GLB1L3: variants seen among roughly 807,000 people sequenced by gnomAD.
GLB1L3 encodes the protein beta-galactosidase-1-like protein 3.
Under a neutral mutation model 89.5 loss-of-function variants are expected in GLB1L3, and 89 were observed. The observed-to-expected ratio is 0.99, with a 90% CI of 0.84 to 1.19. The LOEUF is 1.19. Ranked by LOEUF, GLB1L3 falls within the 50% of genes most tolerant of loss-of-function variation. GLB1L3 has a pLI of 0.00. For missense variants in GLB1L3, 812 were observed against 813.3 expected (o/e 1.00, Z 0.02); for synonymous variants, 314 against 312.3 (o/e 1.01, Z -0.06).
At chr11:134,276,785 C>A in intron 1 of GLB1L3, 22 bp downstream of exon 1, 1 of 1,416,842 alleles carries the variant, frequency 7.1e-7, no homozygotes, top group East Asian at 3.1e-5. Flanking sequence ...CCGCTGCCGT[C>A]CCGGGCTGCC....
At chr11:134,324,657 T>G in the GLB1L3 span, among the ~76,000 whole-genome samples, 3 of 152,168 alleles carry the variant, frequency 2.0e-5, no homozygotes, top group Admixed American at 2.0e-4. Flanking sequence ...GCACATAATT[T>G]TGGAGATTTG....
At chr11:134,305,395 T>C (rs1942154582) in intron 9 of GLB1L3, 1 of 437,322 alleles carries the variant, frequency 2.3e-6, no homozygotes, top group African/African-American at 2.0e-5. Context: ...TCTCTACGTT[T>C]TTTGAACCCC....
At chr11:134,306,682 C>T (rs1942220557) in intron 9 of GLB1L3, among the ~76,000 whole-genome samples, 1 of 152,218 alleles carries the variant, frequency 6.6e-6, no homozygotes, top group Admixed American at 6.5e-5. Context: ...GAGGAGGTGT[C>T]ACCTTTTAAA....
downstream of GLB1L3, among the ~76,000 whole-genome samples, chr11:134,322,005 G>A (rs1943174994): frequency 6.6e-6 from 1 of 151,914 alleles, no homozygotes; most frequent in African/African-American, 2.4e-5. Context: ...TTATAAATGC[G>A]CTAAACTCTA....
chr11:134,324,689 G>A, the GLB1L3 span, among the ~76,000 whole-genome samples: 1 of 152,004 alleles, frequency 6.6e-6, no homozygotes, highest in Non-Finnish European at 1.5e-5. Flanking sequence ...AATTTGAGGT[G>A]GCAAGAATCC....
intron 10 of GLB1L3, 89 bp downstream of exon 10, chr11:134,307,297 C>T: frequency 2.1e-6 from 2 of 942,018 alleles, no homozygotes; most frequent in Non-Finnish European, 3.3e-6. Context: ...AATTGATTCA[C>T]TTGATCAGCC....
chr11:134,296,247 C>G (rs1196494828), intron 9 of GLB1L3, among the ~76,000 whole-genome samples: 1 of 140,824 alleles, frequency 7.1e-6, no homozygotes, highest in Admixed American at 7.3e-5. Context: ...GTTGGTGGGA[C>G]TGTAAACTAG....
intron 9 of GLB1L3, among the ~76,000 whole-genome samples, chr11:134,296,862 TAAA>T (rs891355190): frequency 1.5e-5 from 2 of 131,762 alleles, no homozygotes; most frequent in South Asian, 5.2e-4. Context: ...ATAATAATAA[TAAA>T]AACAAACAAA....
chr11:134,283,582 C>T (rs993700872), intron 5 of GLB1L3, among the ~76,000 whole-genome samples, 155 bp from the exon 6 acceptor site: 13 of 152,158 alleles, frequency 8.5e-5, no homozygotes, highest in Non-Finnish European at 1.6e-4. Flanking sequence ...CTGAAAGTCT[C>T]ACGCGGCACA....
At chr11:134,279,455 C>G (rs542306933) in intron 3 of GLB1L3, among the ~76,000 whole-genome samples, 9 of 150,788 alleles carry the variant, frequency 6.0e-5, no homozygotes, top group African/African-American at 2.2e-4. Flanking sequence ...CAACCTCCCC[C>G]TCCTGGGTTC....
intron 9 of GLB1L3, among the ~76,000 whole-genome samples, chr11:134,297,858 T>TC: frequency 8.8e-5 from 1 of 11,344 alleles, no homozygotes; most frequent in East Asian, 1.2e-3. Context: ...AGACTCTGTC[T>TC]CAAAAAAAAA....
Position 134,292,057 on chromosome 11 carries a change from TG to T in GLB1L3, c.730-71del. ...TGCATGGATGCAGAACCCATGAATATGGGGAGCTGTATGTATTTCTTTTTTC... is the reference window on the plus strand; with the variant it reads ...TGCATGGATGCAGAACCCATGAATATGGGAGCTGTATGTATTTCTTTTTTC... On this transcript the variant is annotated intron_variant, in intron 7 of 19. Transcript: ENST00000431683. The T allele has an allele frequency of 5.2e-6, 5 of 959,594 alleles. No homozygotes were observed. The East Asian group carries it at 1.2e-4, about 23-fold the overall frequency. The allele number at this position is 959,594 out of a possible 1,614,324, so 59.4% of individuals were successfully genotyped here.
chr11:134,308,617 T>C (rs1292881900), intron 10 of GLB1L3, among the ~76,000 whole-genome samples: 308 of 53,732 alleles, frequency 5.7e-3, no homozygotes, highest in Middle Eastern at 0.015. Flanking sequence ...CCACCACCAC[T>C]ATCACCACCA....
At chr11:134,308,941 C>G (rs1476638697) in intron 10 of GLB1L3, among the ~76,000 whole-genome samples, 1 of 152,118 alleles carries the variant, frequency 6.6e-6, no homozygotes, top group Non-Finnish European at 1.5e-5. Flanking sequence ...CCCACTGTGG[C>G]CAGTGGAGAG....
At chr11:134,287,842 A>G (rs919510274) in intron 6 of GLB1L3, among the ~76,000 whole-genome samples, 2 of 152,188 alleles carry the variant, frequency 1.3e-5, no homozygotes, top group African/African-American at 4.8e-5. Flanking sequence ...GGAACCTGCA[A>G]AGGAAAAGCT....
At chr11:134,295,567 G>C (rs569589862) in intron 9 of GLB1L3, among the ~76,000 whole-genome samples, 1 of 151,938 alleles carries the variant, frequency 6.6e-6, no homozygotes, top group South Asian at 2.1e-4. Context: ...TCAGCTTTCG[G>C]CTTGATTTTG....
At chr11:134,307,265 C>T (rs1942248330) in intron 10 of GLB1L3, 57 bp downstream of exon 10, 1 of 1,220,948 alleles carries the variant, frequency 8.2e-7, no homozygotes, top group Non-Finnish European at 1.2e-6. Flanking sequence ...CCCATGAGAA[C>T]TCATTCATAC....
chr11:134,300,425 T>C (rs913985000), intron 9 of GLB1L3, among the ~76,000 whole-genome samples: 13 of 151,108 alleles, frequency 8.6e-5, no homozygotes, highest in Admixed American at 1.3e-4. Context: ...CTCCACCTCC[T>C]GGGTTCACAC....
intron 8 of GLB1L3, 85 bp downstream of exon 8, chr11:134,292,298 T>G (rs1941401448): frequency 1.1e-6 from 1 of 880,270 alleles, no homozygotes; most frequent in Admixed American, 2.2e-5. Context: ...GAAAACCAAG[T>G]GCATCTCGAT....
Sources: gnomAD v4.1 joint callset for allele counts (sites outside exome capture counted in the v4.1 genomes callset) on GRCh38, gnomAD v4.1.1 for gene constraint, MANE v1.5 for transcripts, NCBI Gene and HGNC (gene_info 2026-07-23, HGNC 2026-07-21) for gene names.